Variants in VTI1A observed in about 807,000 individuals in gnomAD.
VTI1A encodes the protein vesicle transport through interaction with t-SNAREs homolog 1A.
In VTI1A, 22 loss-of-function variants were observed where a neutral mutation model predicts 34.9. The ratio of observed to expected loss-of-function variants is 0.63; its 90% CI spans 0.45 to 0.90. The LOEUF (loss-of-function observed/expected upper bound fraction) is 0.90. Among genes scored for constraint, VTI1A ranks in the 40% least tolerant of loss-of-function variants. The pLI, the probability that VTI1A is intolerant of heterozygous loss-of-function variation, is 0.00. For synonymous variants in VTI1A, 87 were observed against 97.3 expected, an observed-to-expected ratio of 0.89 and a Z score of 0.62; for missense variants, 268 against 275.6, an observed-to-expected ratio of 0.97 and a Z score of 0.20.
At chr10:112,687,390 C>T (rs1052637903) in intron 7 of VTI1A, among the ~76,000 whole-genome samples, 2 of 151,462 alleles carry the variant, frequency 1.3e-5, no homozygotes, top group Admixed American at 6.6e-5. Context: ...CCCACCACCA[C>T]GCCCGGCTAA....
intron 5 of VTI1A, among the ~76,000 whole-genome samples, chr10:112,618,685 T>G (rs2134554077): frequency 6.6e-6 from 1 of 151,818 alleles, no homozygotes; most frequent in South Asian, 2.1e-4. Flanking sequence ...ATTGGTATAG[T>G]TAGAACATGC....
chr10:112,775,931 T>A (rs1016424115), intron 7 of VTI1A, among the ~76,000 whole-genome samples: 1 of 152,182 alleles, frequency 6.6e-6, no homozygotes, highest in African/African-American at 2.4e-5. Context: ...AATAAACAGT[T>A]CCTTGTTAAT....
At chr10:112,637,955 C>T (rs1360163837) in intron 5 of VTI1A, among the ~76,000 whole-genome samples, 3 of 152,196 alleles carry the variant, frequency 2.0e-5, no homozygotes, top group Non-Finnish European at 4.4e-5. Context: ...TGGAATTAAT[C>T]ACATATGCAA....
chr10:112,700,012 G>A (rs752550710), intron 7 of VTI1A, among the ~76,000 whole-genome samples: 32 of 148,942 alleles, frequency 2.1e-4, no homozygotes, highest in Non-Finnish European at 4.2e-4. Flanking sequence ...CCAGCCACTC[G>A]AGAGGCTGAG....
intron 7 of VTI1A, among the ~76,000 whole-genome samples, chr10:112,713,568 G>A (rs1849503998): frequency 6.6e-6 from 1 of 152,182 alleles, no homozygotes; most frequent in Non-Finnish European, 1.5e-5. Flanking sequence ...GATTGCAGCA[G>A]CTCCAGTCTA....
chr10:112,700,074 TGCTAC>T (rs1436295510), intron 7 of VTI1A, among the ~76,000 whole-genome samples: 2 of 137,162 alleles, frequency 1.5e-5, no homozygotes, highest in Non-Finnish European at 3.0e-5. Context: ...GCCAAGATCG[TGCTAC>T]TGCACTCCAG....
intron 5 of VTI1A, among the ~76,000 whole-genome samples, chr10:112,622,248 G>A (rs1382674199): frequency 6.6e-6 from 1 of 152,086 alleles, no homozygotes; most frequent in Non-Finnish European, 1.5e-5. Context: ...CCCCTGAAAG[G>A]GGTGTCAGAA....
At chr10:112,826,392 A>G in the VTI1A span, 1 of 152,230 alleles carries the variant, frequency 6.6e-6, no homozygotes, top group African/African-American at 2.4e-5. Flanking sequence ...TCTCCCAGGT[A>G]TTCCTCTCAC....
intron 1 of VTI1A, among the ~76,000 whole-genome samples, chr10:112,448,100 TTC>T (rs1413010321): frequency 3.5e-4 from 53 of 152,350 alleles, no homozygotes; most frequent in African/African-American, 1.2e-3. Flanking sequence ...TCAACTTTCC[TTC>T]TTAGTAAATG....
intron 5 of VTI1A, among the ~76,000 whole-genome samples, chr10:112,561,034 A>C (rs985545048): frequency 6.6e-6 from 1 of 152,130 alleles, no homozygotes; most frequent in Non-Finnish European, 1.5e-5. Flanking sequence ...CTCTTATTGT[A>C]TTGAAATTCT....
intron 7 of VTI1A, among the ~76,000 whole-genome samples, chr10:112,685,471 T>G (rs1848370152): frequency 6.6e-6 from 1 of 152,216 alleles, no homozygotes; most frequent in African/African-American, 2.4e-5. Context: ...CTTTATCCTA[T>G]TGCCTCATCT....
rs1466070396 is a variant in VTI1A at position 112,676,182 on chromosome 10, AT to A, written c.560+7192del. On this transcript the variant is annotated intron_variant, in intron 7 of 7. Transcript: ENST00000393077. The stretch of plus-strand genomic sequence containing the variant: ...TTTCCATTACTAGAGTTTCCTAAGA[AT>A]TTTTTTTAATTAAAAATCAATAATA... Among the ~76,000 whole-genome samples, 3 of 152,006 alleles carry A rather than the reference AT, an allele frequency of 2.0e-5. No homozygotes were observed. In the South Asian group the frequency reaches 6.2e-4, roughly 32 times the overall value.
At chr10:112,607,972 C>G (rs1001889769) in intron 5 of VTI1A, among the ~76,000 whole-genome samples, 1 of 152,146 alleles carries the variant, frequency 6.6e-6, no homozygotes, top group Non-Finnish European at 1.5e-5. Context: ...CTTTTATAAC[C>G]TAACCTTGGA....
At chr10:112,550,758 T>C (rs144429407) in intron 5 of VTI1A, among the ~76,000 whole-genome samples, 1 of 152,202 alleles carries the variant, frequency 6.6e-6, no homozygotes, top group Admixed American at 6.5e-5. Flanking sequence ...TCTATTTATT[T>C]AGAGAGAGGA....
chr10:112,840,628 C>G, the VTI1A span, among the ~76,000 whole-genome samples: 2 of 152,184 alleles, frequency 1.3e-5, no homozygotes. Context: ...GGCAGCTGCC[C>G]CACTGCCTGC....
chr10:112,789,865 C>T (rs973169929), intron 7 of VTI1A, among the ~76,000 whole-genome samples: 1 of 151,692 alleles, frequency 6.6e-6, no homozygotes, highest in Non-Finnish European at 1.5e-5. Context: ...TGGGAGTCTG[C>T]TAAATCTAAC....
rs576668367 is a variant in VTI1A at position 112,721,303 on chromosome 10, T to A, written c.560+52305T>A. ...GGCATCAAGGAGCACTCACTTACCATTGCCATAGTTAACAGTTATTTAGCA... is the reference window on the plus strand; with the variant it reads ...GGCATCAAGGAGCACTCACTTACCAATGCCATAGTTAACAGTTATTTAGCA... On this transcript the variant is annotated intron_variant, in intron 7 of 7. Transcript: ENST00000393077. 2.0e-5 allele frequency among the ~76,000 whole-genome samples: 3 copies of A among 152,332 alleles called. No homozygotes were observed. In the East Asian group the frequency reaches 5.8e-4, roughly 29 times the overall value.
chr10:112,644,806 C>T (rs1365119813), intron 5 of VTI1A, among the ~76,000 whole-genome samples: 2 of 152,028 alleles, frequency 1.3e-5, no homozygotes, highest in Non-Finnish European at 2.9e-5. Context: ...CTCTACCTAG[C>T]GTTTGTATGA....
At chr10:112,779,568 A>G (rs762170865) in intron 7 of VTI1A, among the ~76,000 whole-genome samples, 1 of 152,168 alleles carries the variant, frequency 6.6e-6, no homozygotes, top group African/African-American at 2.4e-5. Flanking sequence ...GCTATTTCAG[A>G]TCATCTGGAC....
Sources: gnomAD v4.1 joint callset for allele counts (sites outside exome capture counted in the v4.1 genomes callset) on GRCh38, gnomAD v4.1.1 for gene constraint, MANE v1.5 for transcripts, NCBI Gene and HGNC (gene_info 2026-07-23, HGNC 2026-07-21) for gene names.